ASZ1: variants seen among roughly 807,000 people sequenced by gnomAD.
The protein encoded by ASZ1 is ankyrin repeat, SAM and basic leucine zipper domain containing 1, also known as ankyrin repeat, SAM and basic leucine zipper domain-containing protein 1.
ASZ1 carries 67 observed loss-of-function variants against 61.8 expected under a neutral mutation model. The ratio of observed to expected loss-of-function variants is 1.08; its 90% CI spans 0.89 to 1.33. The LOEUF is 1.33. Among genes scored for constraint, ASZ1 ranks in the 40% most tolerant of loss-of-function variants. The pLI, the probability that ASZ1 is intolerant of heterozygous loss-of-function variation, is 0.00. For synonymous variants in ASZ1, 193 were observed against 192.7 expected, an observed-to-expected ratio of 1.00 and a Z score of -0.01; for missense variants, 577 against 554.5, an observed-to-expected ratio of 1.04 and a Z score of -0.41.
chr7:117,409,763 C>T (rs1349404116), intron 4 of ASZ1, among the ~76,000 whole-genome samples: 1 of 151,686 alleles, frequency 6.6e-6, no homozygotes, highest in African/African-American at 2.4e-5. Flanking sequence ...ACTTCACTAC[C>T]TCCTCTCCAT....
chr7:117,410,901 G>GA (rs1796877375), intron 4 of ASZ1, among the ~76,000 whole-genome samples: 1 of 151,560 alleles, frequency 6.6e-6, no homozygotes, highest in African/African-American at 2.4e-5. Flanking sequence ...TATTTTTGTA[G>GA]TGTATAATTT....
intron 10 of ASZ1, among the ~76,000 whole-genome samples, chr7:117,378,458 T>A (rs1336524665): frequency 6.6e-6 from 1 of 151,972 alleles, no homozygotes; most frequent in Non-Finnish European, 1.5e-5. Flanking sequence ...TATTAGTAAG[T>A]GCAAATAAAA....
rs1247224429 is a variant in ASZ1 at position 117,401,394 on chromosome 7, T to TAA, written c.441-15587_441-15586dup. Among the ~76,000 whole-genome samples the TAA allele has an allele frequency of 6.1e-4, 87 of 142,056 alleles. 1 individual carries two copies. The highest frequency in any genetic ancestry group is 1.1e-3 in the South Asian group (5 of 4,396). The allele number at this position is 142,056 out of a possible 152,430, so 93.2% of individuals were successfully genotyped here. A position where few individuals can be genotyped will look rare whatever the true frequency, so the allele number is the denominator to read the frequency against. ...CATAGCAAAGCTGTTTTTTTTTTTT[T>TAA]AAAAAAAAAGACCAACAGAAAATAT... On this transcript the variant is annotated intron_variant, in intron 4 of 12. Transcript: ENST00000284629.
intron 4 of ASZ1, among the ~76,000 whole-genome samples, chr7:117,388,786 C>T (rs139522106): frequency 3.4e-4 from 51 of 151,856 alleles, no homozygotes; most frequent in African/African-American, 8.7e-4. Flanking sequence ...TTCTAGCCAG[C>T]GGAACAAGAC....
At chr7:117,393,952 CAA>C (rs776869165) in intron 4 of ASZ1, among the ~76,000 whole-genome samples, 1 of 152,110 alleles carries the variant, frequency 6.6e-6, no homozygotes, top group East Asian at 1.9e-4. Flanking sequence ...TACTATTCAA[CAA>C]AGAGAAAAGT....
At chr7:117,405,465 T>C (rs950445352) in intron 4 of ASZ1, among the ~76,000 whole-genome samples, 5 of 152,210 alleles carry the variant, frequency 3.3e-5, no homozygotes, top group Non-Finnish European at 7.3e-5. Flanking sequence ...AGCGTGGGCA[T>C]GTGACTTTCA....
At chr7:117,380,847 A>G (rs1227035693) in intron 9 of ASZ1, among the ~76,000 whole-genome samples, 164 bp downstream of exon 9, 1 of 151,978 alleles carries the variant, frequency 6.6e-6, no homozygotes, top group Non-Finnish European at 1.5e-5. Context: ...TAATACTAAC[A>G]CAAGATTTTA....
chr7:117,370,122 G>A (rs1796020359), intron 10 of ASZ1, among the ~76,000 whole-genome samples: 1 of 152,082 alleles, frequency 6.6e-6, no homozygotes, highest in South Asian at 2.1e-4. Flanking sequence ...GGGCTCTAAA[G>A]ACTCATGAAG....
intron 10 of ASZ1, among the ~76,000 whole-genome samples, chr7:117,378,779 T>C (rs1281491906): frequency 6.6e-6 from 1 of 151,964 alleles, no homozygotes; most frequent in Non-Finnish European, 1.5e-5. Flanking sequence ...TCTACTCAAA[T>C]GTTCTTCAAT....
chr7:117,404,002 G>A (rs1430447506), intron 4 of ASZ1, among the ~76,000 whole-genome samples: 2 of 152,126 alleles, frequency 1.3e-5, no homozygotes, highest in African/African-American at 2.4e-5. Flanking sequence ...GTTTCATCCC[G>A]AAACATCCCC....
rs571755034 is a variant in ASZ1 at position 117,366,078 on chromosome 7, AC to A, written c.1275+1273del. ...CAGGAGTTTGAGACCAGTCTGGCCAACATGGTGAAACCTCATCTCTACTAAA... is the reference window on the plus strand; with the variant it reads ...CAGGAGTTTGAGACCAGTCTGGCCAAATGGTGAAACCTCATCTCTACTAAA... On this transcript the variant is annotated intron_variant, in intron 12 of 12. Coordinates refer to ENST00000284629, the MANE Select transcript of ASZ1 (RefSeq NM_130768.3). Among the ~76,000 whole-genome samples the A allele has an allele frequency of 3.3e-5, 5 of 152,342 alleles. No individual in the cohort carries two copies. The South Asian group carries it at 1.0e-3, about 32-fold the overall frequency.
intron 4 of ASZ1, among the ~76,000 whole-genome samples, chr7:117,412,792 A>C (rs896061736): frequency 2.0e-5 from 3 of 151,834 alleles, no homozygotes; most frequent in Non-Finnish European, 3.0e-5. Context: ...TTTTTTTTAA[A>C]TATAAGAAAG....
At chr7:117,387,544 C>G (rs1796384662) in intron 4 of ASZ1, among the ~76,000 whole-genome samples, 4 of 152,176 alleles carry the variant, frequency 2.6e-5, no homozygotes. Context: ...CCACATTACT[C>G]AGGCTTAAGA....
At chr7:117,422,050 G>A (rs1283971349) in intron 3 of ASZ1, among the ~76,000 whole-genome samples, 187 bp downstream of exon 3, 1 of 152,104 alleles carries the variant, frequency 6.6e-6, no homozygotes, top group Non-Finnish European at 1.5e-5. Flanking sequence ...TGGAATTTAT[G>A]TTTTTGGAAA....
chr7:117,416,584 A>G (rs1796996567), intron 4 of ASZ1, among the ~76,000 whole-genome samples: 1 of 152,218 alleles, frequency 6.6e-6, no homozygotes, highest in Admixed American at 6.5e-5. Flanking sequence ...TGGTAGAAAC[A>G]AGATCCGGAT....
chr7:117,412,040 G>GTGTGTA (rs776740892), intron 4 of ASZ1, among the ~76,000 whole-genome samples: 9,260 of 72,854 alleles, frequency 0.13, 302 homozygotes, highest in African/African-American at 0.23. Flanking sequence ...GTGAAAAGAA[G>GTGTGTA]TGTGTGTGTG....
chr7:117,374,029 A>T (rs894955551), intron 10 of ASZ1, among the ~76,000 whole-genome samples: 1 of 152,108 alleles, frequency 6.6e-6, no homozygotes, highest in Non-Finnish European at 1.5e-5. Flanking sequence ...TTCTGAAACA[A>T]TGATGAGGCA....
intron 4 of ASZ1, among the ~76,000 whole-genome samples, chr7:117,407,425 T>C (rs1220408221): frequency 6.6e-6 from 1 of 150,376 alleles, no homozygotes; most frequent in Non-Finnish European, 1.5e-5. Context: ...AAAAAAAAAA[T>C]CAGGACAGTA....
At chr7:117,412,407 A>T (rs1220609290) in intron 4 of ASZ1, among the ~76,000 whole-genome samples, 1 of 151,890 alleles carries the variant, frequency 6.6e-6, no homozygotes, top group Non-Finnish European at 1.5e-5. Context: ...CAGAGCAAAG[A>T]TATGTCACAC....
Sources: allele counts gnomAD v4.1 joint callset (sites outside exome capture counted in the v4.1 genomes callset), GRCh38; gene constraint gnomAD v4.1.1; transcripts MANE v1.5; gene names NCBI Gene and HGNC (gene_info 2026-07-23, HGNC 2026-07-21).